GRID2: variants seen among roughly 807,000 people sequenced by gnomAD.
GRID2 encodes the protein glutamate receptor ionotropic, delta-2.
GRID2 carries 33 observed loss-of-function variants against 114.8 expected under a neutral mutation model. That is an observed-to-expected ratio of 0.29 (90% CI 0.22 to 0.38). The LOEUF (loss-of-function observed/expected upper bound fraction) is 0.38. GRID2 is among the 10% of genes least tolerant of loss of function. The pLI is 1.00. For missense variants in GRID2, 1,184 were observed against 1,257.7 expected (o/e 0.94, Z 0.89); for synonymous variants, 505 against 449.9 (o/e 1.12, Z -1.55).
intron 2 of GRID2, among the ~76,000 whole-genome samples, chr4:93,048,289 T>A (rs28712786): frequency 0.012 from 1,815 of 152,182 alleles, 37 homozygotes; most frequent in African/African-American, 0.041. Context: ...GGAGTGCAGT[T>A]TTTATCCTTT....
At chr4:93,721,621 G>T (rs1006615948) in intron 14 of GRID2, among the ~76,000 whole-genome samples, 4 of 152,216 alleles carry the variant, frequency 2.6e-5, no homozygotes, top group Admixed American at 2.6e-4. Flanking sequence ...CTCTGTGATT[G>T]GTGTGAGTAT....
At chr4:93,668,020 T>C (rs932128852) in intron 14 of GRID2, among the ~76,000 whole-genome samples, 2 of 152,054 alleles carry the variant, frequency 1.3e-5, no homozygotes, top group Non-Finnish European at 2.9e-5. Flanking sequence ...TTCTGTAAAC[T>C]TTGAGTGATT....
At chr4:92,457,715 CTT>C (rs67465951) in intron 1 of GRID2, among the ~76,000 whole-genome samples, 1 of 151,898 alleles carries the variant, frequency 6.6e-6, no homozygotes, top group Non-Finnish European at 1.5e-5. Context: ...CAGCTGAGAC[CTT>C]TTTTTTAAAA....
intron 2 of GRID2, among the ~76,000 whole-genome samples, chr4:92,924,016 T>C (rs2149510892): frequency 6.6e-6 from 1 of 152,226 alleles, no homozygotes; most frequent in African/African-American, 2.4e-5. Context: ...CCAACAATGA[T>C]AGACTGGATT....
chr4:93,494,127 T>C (rs1475583572), intron 12 of GRID2, among the ~76,000 whole-genome samples: 5 of 151,922 alleles, frequency 3.3e-5, no homozygotes, highest in Admixed American at 6.6e-5. Context: ...TTCTAATTTT[T>C]CTTAGAAAAG....
Position 93,170,286 on chromosome 4 carries a change from G to A in GRID2, c.736-37118G>A, listed in dbSNP as rs62308258. On this transcript the variant is annotated intron_variant, in intron 4 of 15. Coordinates refer to ENST00000282020, the MANE Select transcript of GRID2 (RefSeq NM_001510.4). ...TTTATTAGAGATGGGGTTTCGCCAC[G>A]TTGGCCAGGCTAGTCTTAAACTCCT... Among the ~76,000 whole-genome samples, 290 of 152,194 alleles carry A rather than the reference G, an allele frequency of 1.9e-3. 4 individuals are homozygous for A. Among genetic ancestry groups the A allele is most frequent in the Non-Finnish European group, 3.8e-4 (26 of 68,020 alleles).
intron 1 of GRID2, among the ~76,000 whole-genome samples, chr4:93,791,128 A>G (rs904938359): frequency 4.7e-4 from 71 of 152,192 alleles, no homozygotes; most frequent in African/African-American, 1.4e-3. Context: ...TCTTAGAGAG[A>G]TGTACAAATG....
chr4:92,367,988 CAT>C (rs1416491268), intron 1 of GRID2, among the ~76,000 whole-genome samples: 1 of 152,040 alleles, frequency 6.6e-6, no homozygotes, highest in Non-Finnish European at 1.5e-5. Flanking sequence ...AATATAATCA[CAT>C]GTTGTGAGCT....
intron 2 of GRID2, among the ~76,000 whole-genome samples, chr4:92,724,294 C>G (rs1222691482): frequency 4.6e-5 from 7 of 152,148 alleles, no homozygotes; most frequent in African/African-American, 1.7e-4. Flanking sequence ...TTCACCACCA[C>G]TTTCCCATCC....
chr4:92,415,136 CTAATA>C (rs1731533522), intron 1 of GRID2, among the ~76,000 whole-genome samples: 1 of 151,798 alleles, frequency 6.6e-6, no homozygotes, highest in South Asian at 2.1e-4. Context: ...AAATTTTCAT[CTAATA>C]TTTTATTTTC....
intron 14 of GRID2, among the ~76,000 whole-genome samples, chr4:93,734,740 G>A (rs1431113528): frequency 1.3e-5 from 2 of 151,878 alleles, no homozygotes; most frequent in Admixed American, 6.6e-5. Flanking sequence ...AAAAATGCCA[G>A]GATGGTCTAC....
At chr4:92,824,535 ATTAT>A (rs1193425275) in intron 2 of GRID2, among the ~76,000 whole-genome samples, 2 of 152,148 alleles carry the variant, frequency 1.3e-5, no homozygotes, top group East Asian at 3.9e-4. Flanking sequence ...ATAAACTTTT[ATTAT>A]TTATTTCAAA....
chr4:93,493,126 A>G lies in GRID2; in HGVS notation c.1997+2349A>G, dbSNP rs564989087. Reference sequence around the variant, plus strand: ...ATTGAGTATTTTATTTCATTAACATATTTCTTATCAATTATGTTGAATGTG... The same window carrying G: ...ATTGAGTATTTTATTTCATTAACATGTTTCTTATCAATTATGTTGAATGTG... On this transcript the variant is annotated intron_variant, in intron 12 of 15. Transcript: ENST00000282020. 3.9e-5 allele frequency among the ~76,000 whole-genome samples: 6 copies of G among 152,012 alleles called. No homozygotes were observed. In the South Asian group the frequency reaches 1.2e-3, roughly 32 times the overall value.
Position 92,415,756 on chromosome 4 carries a change from A to G in GRID2, c.88+111012A>G, listed in dbSNP as rs1352858783. ...TGTATGTGTGTATATATATATATAT[A>G]TATATATATATATATATATATATAT... is the stretch of plus-strand genomic sequence containing the variant. On this transcript the variant is annotated intron_variant, in intron 1 of 15. Coordinates refer to ENST00000282020, the MANE Select transcript of GRID2 (RefSeq NM_001510.4). Among the ~76,000 whole-genome samples, 1,240 of 128,778 alleles carry G rather than the reference A, an allele frequency of 9.6e-3. 43 individuals carry two copies. Among genetic ancestry groups the G allele is most frequent in the African/African-American group, 0.034 (1,159 of 34,146 alleles). The allele number at this position is 128,778 out of a possible 152,430, so 84.5% of individuals were successfully genotyped here.
chr4:92,693,144 C>T (rs557423520), intron 2 of GRID2, among the ~76,000 whole-genome samples: 1 of 151,898 alleles, frequency 6.6e-6, no homozygotes, highest in South Asian at 2.1e-4. Context: ...AATCTTTCCC[C>T]CTTTATGCTT....
chr4:92,382,650 T>C (rs922905668), intron 1 of GRID2, among the ~76,000 whole-genome samples: 1 of 152,024 alleles, frequency 6.6e-6, no homozygotes, highest in Non-Finnish European at 1.5e-5. Context: ...AATTGGAATA[T>C]GTATTCTATA....
chr4:93,592,651 G>T (rs1417177871), intron 13 of GRID2, among the ~76,000 whole-genome samples: 1 of 152,162 alleles, frequency 6.6e-6, no homozygotes, highest in Non-Finnish European at 1.5e-5. Context: ...AATGTTGACA[G>T]TGGGGTGTTA....
intron 8 of GRID2, among the ~76,000 whole-genome samples, chr4:93,265,929 A>T (rs890090277): frequency 3.9e-5 from 6 of 152,078 alleles, no homozygotes; most frequent in African/African-American, 1.2e-4. Flanking sequence ...AATCATTTGT[A>T]TTCATTCATT....
intron 4 of GRID2, among the ~76,000 whole-genome samples, chr4:93,170,999 T>G (rs1489038847): frequency 1.3e-5 from 2 of 152,200 alleles, no homozygotes; most frequent in African/African-American, 2.4e-5. Context: ...ATTATTCATC[T>G]CTTTGCATCT....
Sources: gnomAD v4.1 joint callset for allele counts (sites outside exome capture counted in the v4.1 genomes callset) on GRCh38, gnomAD v4.1.1 for gene constraint, MANE v1.5 for transcripts, NCBI Gene and HGNC (gene_info 2026-07-23, HGNC 2026-07-21) for gene names.